COMMD10: variants seen among roughly 807,000 people sequenced by gnomAD.
COMMD10 encodes COMM domain containing 10.
In COMMD10, 33 loss-of-function variants were observed where a neutral mutation model predicts 28.9. That is an observed-to-expected ratio of 1.14 (90% CI 0.87 to 1.53). The LOEUF is 1.53. Ranked by LOEUF, COMMD10 falls within the 40% of genes most tolerant of loss-of-function variation. The pLI, the probability that COMMD10 is intolerant of heterozygous loss-of-function variation, is 0.00. For missense variants in COMMD10, 310 were observed against 233.4 expected (o/e 1.33, Z -2.14); for synonymous variants, 110 against 81.7 (o/e 1.35, Z -1.87).
intron 5 of COMMD10, among the ~76,000 whole-genome samples, chr5:116,173,437 T>A (rs1378186434): frequency 1.3e-5 from 2 of 152,170 alleles, no homozygotes; most frequent in African/African-American, 4.8e-5. Context: ...TTACTTTCTA[T>A]GTTATTTTGG....
At chr5:116,192,981 T>C (rs1748409096) in intron 5 of COMMD10, among the ~76,000 whole-genome samples, 2 of 152,188 alleles carry the variant, frequency 1.3e-5, no homozygotes, top group South Asian at 4.1e-4. Context: ...AGAAACCCTA[T>C]AAGCTAGAAG....
chr5:116,251,295 TTTA>T (rs1229988193), intron 5 of COMMD10, among the ~76,000 whole-genome samples: 23 of 148,116 alleles, frequency 1.6e-4, no homozygotes, highest in East Asian at 9.9e-4. Flanking sequence ...TATTTATTTA[TTTA>T]TTTATTATTA....
intron 5 of COMMD10, among the ~76,000 whole-genome samples, chr5:116,164,939 A>G (rs1468467669): frequency 6.6e-6 from 1 of 152,250 alleles, no homozygotes; most frequent in African/African-American, 2.4e-5. Flanking sequence ...TAAAGTACCC[A>G]TGAAGACTTG....
At chr5:116,140,231 A>ATG (rs3072964) in intron 5 of COMMD10, among the ~76,000 whole-genome samples, 1,867 of 147,094 alleles carry the variant, frequency 0.013, 28 homozygotes, top group African/African-American at 0.034. Context: ...TCATACTACT[A>ATG]TGTGTGTGTG....
At chr5:116,227,363 C>G (rs1054521616) in intron 5 of COMMD10, among the ~76,000 whole-genome samples, 1 of 151,954 alleles carries the variant, frequency 6.6e-6, no homozygotes, top group South Asian at 2.1e-4. Flanking sequence ...TGTGGTTATC[C>G]AGCCTCTTTA....
intron 5 of COMMD10, among the ~76,000 whole-genome samples, chr5:116,245,286 A>T (rs116742775): frequency 3.2e-4 from 49 of 152,224 alleles, no homozygotes; most frequent in African/African-American, 8.7e-4. Context: ...CCCTCCCAAG[A>T]GTGAACCAGG....
chr5:116,271,985 A>C (rs970224150), intron 5 of COMMD10, among the ~76,000 whole-genome samples: 2 of 151,868 alleles, frequency 1.3e-5, no homozygotes, highest in Non-Finnish European at 2.9e-5. Flanking sequence ...GGATTACACA[A>C]ATTTAACCTG....
intron 5 of COMMD10, among the ~76,000 whole-genome samples, chr5:116,210,264 G>A (rs941963304): frequency 6.6e-5 from 10 of 151,814 alleles, no homozygotes; most frequent in African/African-American, 2.4e-4. Flanking sequence ...ACAAACCATA[G>A]CAGTTATGTA....
chr5:116,234,684 A>G (rs1580569907), intron 5 of COMMD10, among the ~76,000 whole-genome samples: 2 of 152,236 alleles, frequency 1.3e-5, no homozygotes, highest in East Asian at 3.8e-4. Context: ...TCTGTAAATA[A>G]TTTACACACA....
At chr5:116,278,713 G>C (rs1750983858) in intron 5 of COMMD10, among the ~76,000 whole-genome samples, 1 of 151,796 alleles carries the variant, frequency 6.6e-6, no homozygotes, top group Non-Finnish European at 1.5e-5. Flanking sequence ...ACTGTTGTAT[G>C]TTTTAGCTAA....
In COMMD10 at chr5:116,127,546, AC is replaced by A. The variant is rs530964304; in HGVS notation, c.400-6521del. On this transcript the variant is annotated intron_variant, in intron 4 of 6. Transcript: ENST00000274458. ...CAACCCAAATTTCCGTCAATGATAGACTGGATTAAGAAAATGTGGCACATAT... is the reference window on the plus strand; with the variant it reads ...CAACCCAAATTTCCGTCAATGATAGATGGATTAAGAAAATGTGGCACATAT... Among the ~76,000 whole-genome samples the A allele has an allele frequency of 3.9e-5, 6 of 152,322 alleles. No homozygotes were observed. In the East Asian group the frequency reaches 1.2e-3, roughly 29 times the overall value.
intron 4 of COMMD10, among the ~76,000 whole-genome samples, chr5:116,113,533 G>T (rs917170115): frequency 5.9e-5 from 9 of 151,750 alleles, no homozygotes; most frequent in African/African-American, 2.2e-4. Flanking sequence ...TGTTTGAAAA[G>T]ACCTGTCTTC....
intron 5 of COMMD10, among the ~76,000 whole-genome samples, chr5:116,140,374 G>A (rs1398257878): frequency 6.6e-6 from 1 of 151,602 alleles, no homozygotes; most frequent in Non-Finnish European, 1.5e-5. Flanking sequence ...TGGCTGTTAT[G>A]AATAATGCTG....
chr5:116,112,964 C>T (rs1751105320), intron 4 of COMMD10, among the ~76,000 whole-genome samples: 1 of 152,146 alleles, frequency 6.6e-6, no homozygotes, highest in South Asian at 2.1e-4. Context: ...TGTCCTGTCT[C>T]TTCCAAGTTT....
At chr5:116,128,904 G>A (rs1201918610) in intron 4 of COMMD10, among the ~76,000 whole-genome samples, 1 of 151,786 alleles carries the variant, frequency 6.6e-6, no homozygotes, top group Non-Finnish European at 1.5e-5. Context: ...TGTGACTTTT[G>A]CAGAATATCA....
At chr5:116,108,926 C>T (rs952783552) in intron 4 of COMMD10, among the ~76,000 whole-genome samples, 2 of 152,058 alleles carry the variant, frequency 1.3e-5, no homozygotes, top group East Asian at 1.9e-4. Context: ...CAGTCTCTTA[C>T]GGCTTCCCTT....
chr5:116,176,941 G>A (rs995419760), intron 5 of COMMD10, among the ~76,000 whole-genome samples: 2 of 152,142 alleles, frequency 1.3e-5, no homozygotes, highest in African/African-American at 4.8e-5. Flanking sequence ...ACTTGGAAGA[G>A]GGTCCTTCCC....
intron 5 of COMMD10, among the ~76,000 whole-genome samples, chr5:116,150,641 T>G (rs1352223581): frequency 2.8e-5 from 4 of 143,420 alleles, no homozygotes; most frequent in Admixed American, 6.9e-5. Context: ...AGTTCACTCA[T>G]GATTTGGCTC....
chr5:116,212,684 A>G (rs965477534), intron 5 of COMMD10, among the ~76,000 whole-genome samples: 1 of 152,140 alleles, frequency 6.6e-6, no homozygotes, highest in African/African-American at 2.4e-5. Flanking sequence ...TAATGAATTC[A>G]TCACATTTTA....
Sources: allele counts gnomAD v4.1 joint callset (sites outside exome capture counted in the v4.1 genomes callset), GRCh38; gene constraint gnomAD v4.1.1; transcripts MANE v1.5; gene names NCBI Gene and HGNC (gene_info 2026-07-23, HGNC 2026-07-21).